Variants in SSBP2 observed in about 807,000 individuals in gnomAD.
SSBP2 encodes the protein single-stranded DNA-binding protein 2.
In SSBP2, 17 loss-of-function variants were observed where a neutral mutation model predicts 61.8. That is an observed-to-expected ratio of 0.28 (90% CI 0.19 to 0.41). The LOEUF (loss-of-function observed/expected upper bound fraction) is 0.41. SSBP2 is among the 10% of genes least tolerant of loss of function. The probability of loss-of-function intolerance (pLI) is 1.00; values close to 1 mark genes in which losing one functional copy is unlikely to be tolerated. For missense variants in SSBP2, 310 were observed against 458.7 expected (o/e 0.68, Z 2.96); for synonymous variants, 139 against 141.3 (o/e 0.98, Z 0.12).
At chr5:81,431,015 A>G (rs1228807760) in intron 15 of SSBP2, among the ~76,000 whole-genome samples, 2 of 152,208 alleles carry the variant, frequency 1.3e-5, no homozygotes, top group African/African-American at 2.4e-5. Context: ...GATATGGGCT[A>G]AAGGGCATAT....
chr5:81,480,411 T>G (rs1010389281), intron 6 of SSBP2, among the ~76,000 whole-genome samples: 1 of 152,238 alleles, frequency 6.6e-6, no homozygotes, highest in Non-Finnish European at 1.5e-5. Flanking sequence ...GCAATAGCAT[T>G]ATGTCTAAAA....
chr5:81,488,060 A>ATATATTATATATATACATTATATAT (rs1561459590), intron 6 of SSBP2, among the ~76,000 whole-genome samples: 1 of 56,820 alleles, frequency 1.8e-5, no homozygotes, highest in Non-Finnish European at 3.3e-5. Flanking sequence ...TATATATATA[A>ATATATTATATATATACATTATATAT]ATAAAATATC....
intron 1 of SSBP2, among the ~76,000 whole-genome samples, chr5:81,717,272 A>T (rs1174448141): frequency 6.6e-6 from 1 of 152,120 alleles, no homozygotes; most frequent in Admixed American, 6.6e-5. Flanking sequence ...AAAGCAATGG[A>T]TCCTCCATGC....
chr5:81,646,843 G>A (rs75794277), intron 2 of SSBP2, among the ~76,000 whole-genome samples: 82 of 151,882 alleles, frequency 5.4e-4, no homozygotes, highest in African/African-American at 1.7e-3. Context: ...TGGGAAAACC[G>A]TTCTAGGAAA....
rs180887130 is a variant in SSBP2 at position 81,438,662 on chromosome 5, A to C, written c.929-1204T>G. On this transcript the variant is annotated intron_variant, in intron 14 of 16. Coordinates refer to ENST00000320672, the MANE Select transcript of SSBP2 (RefSeq NM_012446.5). Reference sequence around the variant, plus strand: ...TATAGAAAGCAATGAGCCAGTTGCCAAGCATAGGTAAAAATCTTCTGAAAA... The same window carrying C: ...TATAGAAAGCAATGAGCCAGTTGCCCAGCATAGGTAAAAATCTTCTGAAAA... Among the ~76,000 whole-genome samples the C allele has an allele frequency of 4.4e-3, 675 of 152,326 alleles. 2 individuals carry two copies. Among genetic ancestry groups the C allele is most frequent in the South Asian group, 9.7e-3 (47 of 4,824 alleles).
At chr5:81,670,514 C>T (rs1454786550) in intron 1 of SSBP2, among the ~76,000 whole-genome samples, 3 of 152,076 alleles carry the variant, frequency 2.0e-5, no homozygotes, top group African/African-American at 7.2e-5. Flanking sequence ...AACAAGTTTA[C>T]TGTAACAATA....
At chr5:81,476,416 A>G (rs1420985073) in intron 6 of SSBP2, among the ~76,000 whole-genome samples, 1 of 152,148 alleles carries the variant, frequency 6.6e-6, no homozygotes, top group Non-Finnish European at 1.5e-5. Flanking sequence ...TATTGTTCCT[A>G]TCTATGTCTA....
At chr5:81,726,626 T>C (rs1332265767) in intron 1 of SSBP2, among the ~76,000 whole-genome samples, 6 of 152,162 alleles carry the variant, frequency 3.9e-5, no homozygotes, top group African/African-American at 7.2e-5. Context: ...AAATTCTATA[T>C]AGTTTATATA....
At chr5:81,592,382 C>G (rs1349290425) in intron 4 of SSBP2, among the ~76,000 whole-genome samples, 2 of 152,222 alleles carry the variant, frequency 1.3e-5, no homozygotes, top group African/African-American at 4.8e-5. Flanking sequence ...CTCAAGGAGG[C>G]CTGCCTGCCT....
intron 4 of SSBP2, 108 bp from the exon 5 acceptor site, chr5:81,513,825 C>A: frequency 1.6e-6 from 1 of 637,910 alleles, no homozygotes; most frequent in Non-Finnish European, 2.7e-6. Flanking sequence ...TGCCTGGGAA[C>A]AAATACTGGT....
chr5:81,615,309 T>C (rs982245803), intron 4 of SSBP2, 164 bp downstream of exon 4: 104 of 632,252 alleles, frequency 1.6e-4, no homozygotes, highest in Non-Finnish European at 2.7e-4. Context: ...AATGCCCCTT[T>C]CTATTTCACA....
intron 5 of SSBP2, among the ~76,000 whole-genome samples, chr5:81,502,965 T>C (rs1767907290): frequency 6.6e-6 from 1 of 152,044 alleles, no homozygotes; most frequent in South Asian, 2.1e-4. Context: ...AAGGCACTTA[T>C]ACAAGATTAC....
At chr5:81,652,477 G>C (rs1187277616) in intron 1 of SSBP2, among the ~76,000 whole-genome samples, 1 of 152,148 alleles carries the variant, frequency 6.6e-6, no homozygotes, top group East Asian at 1.9e-4. Flanking sequence ...AGATTCTGAA[G>C]TATCTTCTAA....
intron 3 of SSBP2, 37 bp downstream of exon 3, chr5:81,636,520 T>A (rs773575250): frequency 6.6e-7 from 1 of 1,526,396 alleles, no homozygotes; most frequent in East Asian, 2.3e-5. Flanking sequence ...TTGAAATGCA[T>A]CATCAAGCCA....
chr5:81,637,932 G>A (rs1748391406), intron 2 of SSBP2, among the ~76,000 whole-genome samples: 1 of 152,158 alleles, frequency 6.6e-6, no homozygotes, highest in Non-Finnish European at 1.5e-5. Context: ...CATAAAAAAT[G>A]ATGAGTTCAC....
chr5:81,709,748 T>A (rs1030354652), intron 1 of SSBP2, among the ~76,000 whole-genome samples: 3 of 151,882 alleles, frequency 2.0e-5, no homozygotes, highest in Admixed American at 6.6e-5. Flanking sequence ...ATTAGTTTCT[T>A]TATAAACCTT....
intron 4 of SSBP2, among the ~76,000 whole-genome samples, chr5:81,550,413 T>C (rs530138053): frequency 6.6e-6 from 1 of 152,188 alleles, no homozygotes; most frequent in African/African-American, 2.4e-5. Flanking sequence ...GTTGAATAAA[T>C]AGCATTATTG....
chr5:81,425,039 T>C (rs968664824), intron 16 of SSBP2, among the ~76,000 whole-genome samples: 1 of 152,248 alleles, frequency 6.6e-6, no homozygotes, highest in Admixed American at 6.5e-5. Context: ...TTGGTTCAGT[T>C]AAAAATGTAA....
chr5:81,486,777 C>T (rs1410621969), intron 6 of SSBP2, among the ~76,000 whole-genome samples: 1 of 152,134 alleles, frequency 6.6e-6, no homozygotes, highest in African/African-American at 2.4e-5. Context: ...TCCCCTGCCC[C>T]GATGTACTGA....
Sources: allele counts gnomAD v4.1 joint callset (sites outside exome capture counted in the v4.1 genomes callset), GRCh38; gene constraint gnomAD v4.1.1; transcripts MANE v1.5; gene names NCBI Gene and HGNC (gene_info 2026-07-23, HGNC 2026-07-21).